The following NCKAP1 variants were observed in gnomAD, a reference collection of about 807,000 sequenced individuals.
The protein encoded by NCKAP1 is nck-associated protein 1.
A neutral mutation model predicts 151.2 loss-of-function variants in NCKAP1; 21 were observed. That is an observed-to-expected ratio of 0.14 (90% confidence interval 0.10 to 0.20). The LOEUF is 0.20. Ranked by LOEUF, NCKAP1 falls within the 10% of genes least tolerant of loss-of-function variation. NCKAP1 has a pLI of 1.00. For synonymous variants in NCKAP1, 484 were observed against 451.8 expected, an observed-to-expected ratio of 1.07 and a Z score of -0.90; for missense variants, 933 against 1,352.1, an observed-to-expected ratio of 0.69 and a Z score of 4.86.
intron 13 of NCKAP1, 70 bp downstream of exon 13, chr2:182,981,174 C>A (rs932422078): frequency 6.5e-7 from 1 of 1,527,854 alleles, no homozygotes; most frequent in South Asian, 1.2e-5. Context: ...GCTTGTTGAA[C>A]AAACAAATAA....
chr2:183,006,067 C>T (rs1335171898), intron 2 of NCKAP1, among the ~76,000 whole-genome samples: 2 of 152,200 alleles, frequency 1.3e-5, no homozygotes, highest in Non-Finnish European at 1.5e-5. Flanking sequence ...TTAATTTCCC[C>T]AGTCCATATC....
intron 18 of NCKAP1, among the ~76,000 whole-genome samples, chr2:182,959,842 T>A (rs187506691): frequency 6.6e-6 from 1 of 152,158 alleles, no homozygotes; most frequent in Non-Finnish European, 1.5e-5. Context: ...GAAAACCCCA[T>A]TGTCTCAGCC....
At chr2:182,958,510 G>A (rs1437888396) in intron 18 of NCKAP1, among the ~76,000 whole-genome samples, 1 of 152,136 alleles carries the variant, frequency 6.6e-6, no homozygotes, top group African/African-American at 2.4e-5. Flanking sequence ...AAGGAAAATT[G>A]TAACAGAGCT....
In NCKAP1 at chr2:182,916,485, A is replaced by C. The variant is rs1280784519; in HGVS notation, c.*9217T>G. 1 of 152,232 alleles carries C rather than the reference A, an allele frequency of 6.6e-6. No individual in the cohort carries two copies. Among genetic ancestry groups the C allele is most frequent in the East Asian group, 1.9e-4 (1 of 5,198 alleles). 9.4% of individuals were successfully genotyped at this position (152,232 alleles called of 1,614,324 possible). A position where few individuals can be genotyped will look rare whatever the true frequency, so the allele number is the denominator to read the frequency against. On this transcript the variant is annotated 3_prime_UTR_variant, in exon 31 of 31. Transcript: ENST00000361354. ...AGGCAGTCCCAGAATCAAAGGAGTC[A>C]GAGATAAATAATAATTACATTATGA...
chr2:183,036,819 G>A (rs2705743), intron 1 of NCKAP1, among the ~76,000 whole-genome samples: 47,488 of 137,706 alleles, frequency 0.34, 10,658 homozygotes, highest in African/African-American at 0.65. Flanking sequence ...AATTTCCAAA[G>A]AAAAAAAAAA....
intron 2 of NCKAP1, among the ~76,000 whole-genome samples, chr2:183,012,099 T>TG (rs1698599776): frequency 6.6e-6 from 1 of 152,212 alleles, no homozygotes; most frequent in South Asian, 2.1e-4. Flanking sequence ...AACTTCTAGG[T>TG]GCAAGGTTTA....
At chr2:182,953,771 C>A (rs188833275) in intron 20 of NCKAP1, among the ~76,000 whole-genome samples, 2 of 151,828 alleles carry the variant, frequency 1.3e-5, no homozygotes, top group Non-Finnish European at 1.5e-5. Flanking sequence ...GCACTCCAGC[C>A]TGGGCAACAG....
At chr2:182,975,053 A>AC (rs1286202372) in intron 15 of NCKAP1, among the ~76,000 whole-genome samples, 3 of 152,178 alleles carry the variant, frequency 2.0e-5, no homozygotes, top group Non-Finnish European at 2.9e-5. Flanking sequence ...TGGTTTAGGC[A>AC]CTCCTATAAA....
intron 24 of NCKAP1, among the ~76,000 whole-genome samples, chr2:182,937,780 A>C (rs1337122356): frequency 6.6e-6 from 1 of 152,232 alleles, no homozygotes; most frequent in Non-Finnish European, 1.5e-5. Context: ...ATGGAATATG[A>C]GGAGTGAAAG....
Position 182,928,156 on chromosome 2 carries a change from G to C in NCKAP1, c.3141C>G (p.His1047Gln). Reference sequence around the variant, plus strand: ...TAAGACGGTCTTCAATGCTTCCTTTGTGAATTGTAAACAAAGCTGCAGCAA... The same window carrying C: ...TAAGACGGTCTTCAATGCTTCCTTTCTGAATTGTAAACAAAGCTGCAGCAA... ...NQIAAALFTIHKGSIEDRLKE... is the reference protein window; with the variant it reads ...NQIAAALFTIQKGSIEDRLKE... The change falls in exon 29 of 31, where the codon CAC (histidine) becomes CAG (glutamine). Residue 1047 changes from histidine (H) to glutamine (Q), a missense_variant. His to Gln is a conservative substitution (Grantham distance 24). Transcript: ENST00000361354. 3 of 1,612,230 alleles carry C rather than the reference G, an allele frequency of 1.9e-6. No homozygotes were observed. The highest frequency in any genetic ancestry group is 2.2e-5 in the East Asian group (1 of 44,828).
chr2:183,018,285 TG>T (rs1293578536), intron 2 of NCKAP1, among the ~76,000 whole-genome samples: 2 of 152,060 alleles, frequency 1.3e-5, no homozygotes, highest in Non-Finnish European at 2.9e-5. Context: ...TACCTTAAGA[TG>T]TTAAATAATT....
At chr2:182,967,663 A>G (rs1697600389) in intron 15 of NCKAP1, among the ~76,000 whole-genome samples, 1 of 152,230 alleles carries the variant, frequency 6.6e-6, no homozygotes, top group Admixed American at 6.5e-5. Flanking sequence ...TTGTCATATT[A>G]ACCATACCAA....
rs909639415 is a variant in NCKAP1, at chr2:182,915,973, T to C, written c.*9729A>G. The stretch of plus-strand genomic sequence containing the variant: ...GTCTATTTATACAAGGGGCTCAGAT[T>C]CTGCATCTTCTCCCCCTGACATCCC... On this transcript the variant is annotated 3_prime_UTR_variant, in exon 31 of 31. Coordinates refer to ENST00000361354, the MANE Select transcript of NCKAP1 (RefSeq NM_013436.5). 2.6e-5 allele frequency: 4 copies of C among 152,046 alleles called. No individual in the cohort carries two copies. The highest frequency in any genetic ancestry group is 5.9e-5 in the Non-Finnish European group (4 of 67,990). The allele number at this position is 152,046 out of a possible 1,614,324, so 9.4% of individuals were successfully genotyped here.
At chr2:182,965,429 A>G (rs1468182517) in intron 16 of NCKAP1, among the ~76,000 whole-genome samples, 1 of 151,950 alleles carries the variant, frequency 6.6e-6, no homozygotes, top group Non-Finnish European at 1.5e-5. Context: ...GGCTCAAGCA[A>G]TCCTCCATCT....
chr2:183,035,979 G>C (rs1430282347), intron 1 of NCKAP1, among the ~76,000 whole-genome samples: 1 of 152,060 alleles, frequency 6.6e-6, no homozygotes, highest in East Asian at 1.9e-4. Flanking sequence ...TATTTCTTAA[G>C]AAACTAAAAA....
chr2:183,024,349 C>T (rs1698849183), intron 1 of NCKAP1, among the ~76,000 whole-genome samples: 2 of 152,066 alleles, frequency 1.3e-5, no homozygotes, highest in African/African-American at 4.8e-5. Flanking sequence ...TTTCCTCATT[C>T]ACTTTAAACA....
intron 19 of NCKAP1, 137 bp downstream of exon 19, chr2:182,957,320 T>C: frequency 1.0e-6 from 1 of 1,003,640 alleles, no homozygotes; most frequent in Non-Finnish European, 1.4e-6. Context: ...TTAATTAAGC[T>C]CAGAAATATT....
rs1460370714 is a variant in NCKAP1, at chr2:182,911,130, A to G, written c.*14572T>C. On this transcript the variant is annotated 3_prime_UTR_variant, in exon 31 of 31. Coordinates refer to ENST00000361354, the MANE Select transcript of NCKAP1 (RefSeq NM_013436.5). Reference sequence around the variant, plus strand: ...AGTTAAACAGAAACCAGCCCTTTGGAAAGACCTGTTGCACCTCTGATTACA... The same window carrying G: ...AGTTAAACAGAAACCAGCCCTTTGGGAAGACCTGTTGCACCTCTGATTACA... 6.6e-6 allele frequency: 1 copy of G among 152,166 alleles called. No homozygotes were observed. Among genetic ancestry groups the G allele is most frequent in the Non-Finnish European group, 1.5e-5 (1 of 68,072 alleles). 9.4% of individuals were successfully genotyped at this position (152,166 alleles called of 1,614,324 possible). A position where few individuals can be genotyped will look rare whatever the true frequency, so the allele number is the denominator to read the frequency against.
chr2:182,968,842 A>G (rs1697628596), intron 15 of NCKAP1, among the ~76,000 whole-genome samples: 1 of 152,232 alleles, frequency 6.6e-6, no homozygotes. Flanking sequence ...TAGGATAAAA[A>G]TTAAACCTCA....
Sources: allele counts gnomAD v4.1 joint callset (sites outside exome capture counted in the v4.1 genomes callset), GRCh38; gene constraint gnomAD v4.1.1; transcripts MANE v1.5; gene names NCBI Gene and HGNC (gene_info 2026-07-23, HGNC 2026-07-21).